Variants in MYT1L observed in about 807,000 individuals in gnomAD.
MYT1L encodes myelin transcription factor 1 like, also known as myelin transcription factor 1-like protein.
MYT1L carries 12 observed loss-of-function variants against 126.7 expected under a neutral mutation model. The ratio of observed to expected loss-of-function variants is 0.09; its 90% CI spans 0.06 to 0.15. MYT1L has a LOEUF of 0.15. Ranked by LOEUF, MYT1L falls within the 10% of genes least tolerant of loss-of-function variation. The pLI, the probability that MYT1L is intolerant of heterozygous loss-of-function variation, is 1.00. For missense variants in MYT1L, 979 were observed against 1,585.2 expected, an observed-to-expected ratio of 0.62 and a Z score of 6.49; for synonymous variants, 541 against 604.2, an observed-to-expected ratio of 0.90 and a Z score of 1.53.
intron 21 of MYT1L, among the ~76,000 whole-genome samples, chr2:1,822,633 G>A (rs1272714787): frequency 1.3e-5 from 2 of 152,192 alleles, no homozygotes; most frequent in Non-Finnish European, 2.9e-5. Context: ...TTCCTCCAGG[G>A]ACAGGATGGC....
intron 5 of MYT1L, 24 bp downstream of exon 5, chr2:1,997,167 C>G (rs1314120382): frequency 6.5e-6 from 1 of 152,732 alleles, no homozygotes; most frequent in Admixed American, 6.5e-5. Flanking sequence ...TGCACAGAAC[C>G]GAGTGTAGAC....
chr2:1,860,786 G>A (rs1004664945), intron 18 of MYT1L, among the ~76,000 whole-genome samples: 2 of 152,082 alleles, frequency 1.3e-5, no homozygotes, highest in African/African-American at 4.8e-5. Flanking sequence ...TTAGGGTAAG[G>A]AACCCGCTGT....
intron 2 of MYT1L, among the ~76,000 whole-genome samples, chr2:2,175,257 T>C (rs1320485041): frequency 1.3e-5 from 2 of 152,116 alleles, no homozygotes; most frequent in East Asian, 3.9e-4. Flanking sequence ...AGCCAGCTCC[T>C]GGTGACTTTT....
chr2:1,904,297 G>A (rs1179491457), intron 13 of MYT1L, among the ~76,000 whole-genome samples: 2 of 152,250 alleles, frequency 1.3e-5, no homozygotes, highest in East Asian at 3.9e-4. Context: ...GTCTCACCGG[G>A]CTCAAGGCTT....
intron 1 of MYT1L, among the ~76,000 whole-genome samples, chr2:2,322,009 C>T (rs959472378): frequency 1.3e-5 from 2 of 152,150 alleles, no homozygotes; most frequent in Admixed American, 6.5e-5. Context: ...CACATTTTCA[C>T]ACTGGCATTT....
chr2:2,304,191 A>G (rs898929157), intron 1 of MYT1L, among the ~76,000 whole-genome samples: 3 of 152,266 alleles, frequency 2.0e-5, no homozygotes, highest in African/African-American at 7.2e-5. Context: ...AGATCACCAG[A>G]AAAATCCATA....
chr2:2,007,829 T>G (rs1290584596), intron 4 of MYT1L, among the ~76,000 whole-genome samples: 1 of 152,126 alleles, frequency 6.6e-6, no homozygotes, highest in African/African-American at 2.4e-5. Context: ...AAACTAGCTT[T>G]GGGAGACATT....
intron 1 of MYT1L, among the ~76,000 whole-genome samples, chr2:2,318,844 CAT>C (rs760989157): frequency 5.3e-5 from 8 of 152,324 alleles, no homozygotes; most frequent in African/African-American, 1.2e-4. Context: ...TAAGCAAAGA[CAT>C]GTGGCTTTTT....
chr2:1,804,402 G>A (rs928789673), intron 22 of MYT1L, among the ~76,000 whole-genome samples: 1 of 152,102 alleles, frequency 6.6e-6, no homozygotes, highest in Non-Finnish European at 1.5e-5. Context: ...GATTACAGGC[G>A]TGAGCCACCG....
intron 5 of MYT1L, among the ~76,000 whole-genome samples, chr2:1,985,270 G>T (rs761316253): frequency 1.3e-5 from 2 of 152,246 alleles, no homozygotes; most frequent in Non-Finnish European, 2.9e-5. Context: ...GAGGGCAGGA[G>T]CCAGAGATCA....
At chr2:2,322,417 G>C (rs2096183557) in intron 1 of MYT1L, among the ~76,000 whole-genome samples, 2 of 151,952 alleles carry the variant, frequency 1.3e-5, no homozygotes, top group South Asian at 2.1e-4. Flanking sequence ...AACTAGACAG[G>C]GAAAAATTCC....
intron 3 of MYT1L, among the ~76,000 whole-genome samples, chr2:2,069,441 T>C (rs186604782): frequency 4.6e-5 from 7 of 152,316 alleles, no homozygotes; most frequent in African/African-American, 1.4e-4. Context: ...ATGGTGTATA[T>C]GTGCCACATT....
At chr2:2,271,484 T>G (rs2095262329) in intron 2 of MYT1L, among the ~76,000 whole-genome samples, 1 of 152,196 alleles carries the variant, frequency 6.6e-6, no homozygotes. Flanking sequence ...TGCAGATCTG[T>G]CTGCACGTCT....
intron 2 of MYT1L, among the ~76,000 whole-genome samples, chr2:2,233,969 C>A (rs1438837711): frequency 6.6e-6 from 1 of 152,214 alleles, no homozygotes; most frequent in Non-Finnish European, 1.5e-5. Flanking sequence ...ATACCTGGCA[C>A]TGATCTTATA....
At chr2:1,919,979 AG>A (rs2053366719) in intron 10 of MYT1L, among the ~76,000 whole-genome samples, 2 of 151,974 alleles carry the variant, frequency 1.3e-5, no homozygotes, top group Non-Finnish European at 2.9e-5. Context: ...TATTTTTTTA[AG>A]GGAGTTTCTT....
chr2:2,197,492 C>T (rs1372816518), intron 2 of MYT1L, among the ~76,000 whole-genome samples: 1 of 152,046 alleles, frequency 6.6e-6, no homozygotes, highest in African/African-American at 2.4e-5. Flanking sequence ...CACACATGCA[C>T]ACACACATGC....
At chr2:2,327,743 C>T (rs900483849) in intron 1 of MYT1L, among the ~76,000 whole-genome samples, 2 of 152,114 alleles carry the variant, frequency 1.3e-5, no homozygotes, top group South Asian at 2.1e-4. Flanking sequence ...GACACCCAGC[C>T]AAACCAAACT....
chr2:2,302,842 GT>G (rs1369914979), intron 1 of MYT1L, among the ~76,000 whole-genome samples: 3 of 152,184 alleles, frequency 2.0e-5, no homozygotes, highest in African/African-American at 7.2e-5. Flanking sequence ...GTTGACTGTG[GT>G]AAGGAGTAGT....
Position 1,912,412 on chromosome 2 carries a change from G to A in MYT1L, c.1619-302C>T, listed in dbSNP as rs1052874439. On this transcript the variant is annotated intron_variant, in intron 11 of 24. Transcript: ENST00000647738. The surrounding 1 kb of genome is among the most constrained non-coding windows in gnomAD (Gnocchi z 4.3). Reference sequence around the variant, plus strand: ...AAGGGCCTCACACAGCAGAGGCGCTGGAGCCAGGAGCTGGGGAGTTCAGAG... The same window carrying A: ...AAGGGCCTCACACAGCAGAGGCGCTAGAGCCAGGAGCTGGGGAGTTCAGAG... Among the ~76,000 whole-genome samples, 6 of 152,182 alleles carry A rather than the reference G, an allele frequency of 3.9e-5. No individual in the cohort carries two copies. The highest frequency in any genetic ancestry group is 9.6e-5 in the African/African-American group (4 of 41,470).
Sources: gnomAD v4.1 joint callset for allele counts (sites outside exome capture counted in the v4.1 genomes callset) on GRCh38, gnomAD v4.1.1 for gene constraint, Gnocchi (gnomAD v3.1) non-coding constraint, MANE v1.5 for transcripts, NCBI Gene and HGNC (gene_info 2026-07-23, HGNC 2026-07-21) for gene names.